Variants in DNAH7 observed in about 807,000 individuals in gnomAD.
The protein encoded by DNAH7 is axonemal beta dynein heavy chain 7.
In DNAH7, 397 loss-of-function variants were observed where a neutral mutation model predicts 444.6. That is an observed-to-expected ratio of 0.89 (90% CI 0.82 to 0.97). The LOEUF is 0.97. Among genes scored for constraint, DNAH7 ranks in the 50% least tolerant of loss-of-function variants. The pLI is 0.00. For synonymous variants in DNAH7, 1,636 were observed against 1,624.4 expected (o/e 1.01, Z -0.17); for missense variants, 4,902 against 4,800.8 (o/e 1.02, Z -0.62).
At chr2:195,749,198 A>G (rs1197186646) in intron 63 of DNAH7, among the ~76,000 whole-genome samples, 1 of 152,252 alleles carries the variant, frequency 6.6e-6, no homozygotes, top group Admixed American at 6.5e-5. Flanking sequence ...TCTCAAAAGA[A>G]GACATTTATG....
chr2:195,923,680 C>G lies in DNAH7; in HGVS notation c.3740G>C (p.Arg1247Thr). 1 of 1,614,102 alleles carries G rather than the reference C, an allele frequency of 6.2e-7. No individual in the cohort carries two copies. The highest frequency in any genetic ancestry group is 8.5e-7 in the Non-Finnish European group (1 of 1,179,998). Residue 1247 changes from arginine to threonine, a missense_variant, in exon 23 of 65, where the codon AGA becomes ACA. By Grantham distance (71) the Arg-to-Thr change is moderately conservative. Coordinates refer to ENST00000312428, the MANE Select transcript of DNAH7 (RefSeq NM_018897.3). The stretch of plus-strand genomic sequence containing the variant: ...TTTTACAAGTGATGAGAGGACATCT[C>G]TAGCATGGACATCCAGTACCACAAG... ...GALVVLDVHA[R>T]DVLSSLVKKN... is the part of the protein sequence containing the mutation.
chr2:195,948,564 CTTGT>C (rs1277952031), intron 19 of DNAH7, among the ~76,000 whole-genome samples: 2 of 152,260 alleles, frequency 1.3e-5, no homozygotes, highest in Admixed American at 1.3e-4. Flanking sequence ...TTCCTCATTG[CTTGT>C]TTTTGTCAGG....
rs560254925 is a variant in DNAH7, at chr2:196,057,536, TAATATG to T, written c.78+512_78+517del. Among the ~76,000 whole-genome samples, 438 of 152,352 alleles carry T rather than the reference TAATATG, an allele frequency of 2.9e-3. 2 individuals are homozygous for T. The highest frequency in any genetic ancestry group is 9.3e-3 in the African/African-American group (387 of 41,586). Reference sequence around the variant, plus strand: ...GAACTTTTGGTAATCTTGGTATTATTAATATGAATAAGTACACAATTAAAACATGTA... The same window carrying T: ...GAACTTTTGGTAATCTTGGTATTATTAATAAGTACACAATTAAAACATGTA... On this transcript the variant is annotated intron_variant, in intron 2 of 64. Transcript: ENST00000312428.
intron 1 of DNAH7, among the ~76,000 whole-genome samples, chr2:196,064,662 A>G (rs886283365): frequency 6.6e-6 from 1 of 152,198 alleles, no homozygotes; most frequent in Non-Finnish European, 1.5e-5. Context: ...TTGTTACTAC[A>G]TGATTTTAAA....
intron 5 of DNAH7, among the ~76,000 whole-genome samples, chr2:196,036,027 CTTTTTTTTT>C (rs750452521): frequency 1.5e-5 from 2 of 129,516 alleles, no homozygotes; most frequent in Admixed American, 1.6e-4. Flanking sequence ...TCTCCACATT[CTTTTTTTTT>C]TTTTTTTTTT....
At chr2:195,879,422 T>C (rs341954) in intron 36 of DNAH7, among the ~76,000 whole-genome samples, 39,911 of 152,078 alleles carry the variant, frequency 0.26, 7,490 homozygotes, top group African/African-American at 0.54. Flanking sequence ...ATCAGAATGT[T>C]GCCCTAATTC....
At chr2:195,755,955 A>G (rs2105911560) in intron 62 of DNAH7, among the ~76,000 whole-genome samples, 178 bp downstream of exon 62, 1 of 152,352 alleles carries the variant, frequency 6.6e-6, no homozygotes, top group East Asian at 1.9e-4. Context: ...ATTTAGTGCT[A>G]GCTTTTTGAC....
At chr2:196,022,464 T>C (rs12469717) in intron 8 of DNAH7, among the ~76,000 whole-genome samples, 76,015 of 152,108 alleles carry the variant, frequency 0.5, 22,099 homozygotes, top group South Asian at 0.65. Context: ...AATCCTTTGT[T>C]GTCATTTCAG....
intron 15 of DNAH7, 124 bp from the exon 16 acceptor site, chr2:195,972,590 T>TCAGGGA (rs931807217): frequency 7.5e-6 from 5 of 668,660 alleles, no homozygotes; most frequent in Middle Eastern, 3.4e-4. Context: ...TGGTTCAAAA[T>TCAGGGA]CAGGGACTAC....
At position 195,890,032 on chromosome 2, in the gene DNAH7, C is replaced by CT. The variant is rs1416197307; in HGVS notation, c.5047-1052dup. Among the ~76,000 whole-genome samples, 5 of 152,174 alleles carry CT rather than the reference C, an allele frequency of 3.3e-5. No homozygotes were observed. In the East Asian group the frequency reaches 9.6e-4, roughly 29 times the overall value. On this transcript the variant is annotated intron_variant, in intron 31 of 64. Coordinates refer to ENST00000312428, the MANE Select transcript of DNAH7 (RefSeq NM_018897.3). Reference sequence around the variant, plus strand: ...CCTTTTCAGATCCTTATAATTCAACCTTTTTTGTATACACCAATGATTCCT... The same window carrying CT: ...CCTTTTCAGATCCTTATAATTCAACCTTTTTTTGTATACACCAATGATTCCT...
intron 38 of DNAH7, among the ~76,000 whole-genome samples, chr2:195,874,308 A>T (rs1366801355): frequency 2.0e-5 from 3 of 152,214 alleles, no homozygotes; most frequent in Non-Finnish European, 4.4e-5. Flanking sequence ...TGGAAAATAT[A>T]AAACAGTTTA....
At chr2:195,869,057 TG>T (rs2125114000) in intron 40 of DNAH7, among the ~76,000 whole-genome samples, 1 of 152,042 alleles carries the variant, frequency 6.6e-6, no homozygotes, top group Non-Finnish European at 1.5e-5. Context: ...TACACAGCCA[TG>T]AAAATTTTGC....
intron 10 of DNAH7, among the ~76,000 whole-genome samples, chr2:196,008,927 T>A (rs1051659393): frequency 4.6e-5 from 7 of 152,132 alleles, no homozygotes; most frequent in Non-Finnish European, 7.4e-5. Context: ...TGTAGCAGCA[T>A]GGTTCTAGCA....
At chr2:196,058,220 A>T in intron 1 of DNAH7, 104 bp from the exon 2 acceptor site, 1 of 717,556 alleles carries the variant, frequency 1.4e-6, no homozygotes, top group Non-Finnish European at 2.2e-6. Context: ...ACATCATCCA[A>T]AATATTCTAA....
chr2:195,934,492 C>T (rs1253605288), intron 21 of DNAH7, 99 bp downstream of exon 21: 3 of 1,265,636 alleles, frequency 2.4e-6, no homozygotes, highest in Non-Finnish European at 3.4e-6. Flanking sequence ...TCCATGCCTC[C>T]ATTTCTGTTT....
intron 19 of DNAH7, among the ~76,000 whole-genome samples, chr2:195,953,460 G>A (rs543638451): frequency 5.3e-5 from 8 of 152,310 alleles, no homozygotes; most frequent in African/African-American, 7.2e-5. Context: ...GAACTCAAGC[G>A]CTGTGCTGGG....
At chr2:195,763,510 CAAAT>C (rs1441670007) in intron 61 of DNAH7, among the ~76,000 whole-genome samples, 2 of 151,496 alleles carry the variant, frequency 1.3e-5, no homozygotes, top group African/African-American at 4.8e-5. Context: ...AGAGAAGACC[CAAAT>C]AAATAAAATC....
intron 19 of DNAH7, among the ~76,000 whole-genome samples, chr2:195,941,451 C>CAAAAAAAAA (rs1207029040): frequency 1.8e-5 from 1 of 56,766 alleles, no homozygotes; most frequent in East Asian, 5.2e-4. Flanking sequence ...ACCTAGATGA[C>CAAAAAAAAA]AAAAAAAAAA....
At chr2:196,007,436 G>A (rs961454807) in intron 10 of DNAH7, among the ~76,000 whole-genome samples, 1 of 152,056 alleles carries the variant, frequency 6.6e-6, no homozygotes, top group African/African-American at 2.4e-5. Flanking sequence ...GGTTTGTAAA[G>A]GTCAAAAAGG....
Sources: gnomAD v4.1 joint callset for allele counts (sites outside exome capture counted in the v4.1 genomes callset) on GRCh38, gnomAD v4.1.1 for gene constraint, MANE v1.5 for transcripts, NCBI Gene and HGNC (gene_info 2026-07-23, HGNC 2026-07-21) for gene names.